The following TRIM54 variants were observed in gnomAD, a reference collection of about 807,000 sequenced individuals.
TRIM54 encodes the protein tripartite motif containing 54.
Under a neutral mutation model 42.0 loss-of-function variants are expected in TRIM54, and 40 were observed. The ratio of observed to expected loss-of-function variants is 0.95; its 90% CI spans 0.74 to 1.24. The LOEUF (loss-of-function observed/expected upper bound fraction) is 1.24, where lower values mean the gene tolerates loss of function less well. Ranked by LOEUF, TRIM54 falls within the 50% of genes most tolerant of loss-of-function variation. The pLI is 0.00. For missense variants in TRIM54, 485 were observed against 480.3 expected, an observed-to-expected ratio of 1.01 and a Z score of -0.09; for synonymous variants, 199 against 194.9, an observed-to-expected ratio of 1.02 and a Z score of -0.17.
chr2:27,298,771 G>A (rs746372772), intron 2 of TRIM54, 32 bp downstream of exon 2: 9 of 1,607,922 alleles, frequency 5.6e-6, no homozygotes, highest in Non-Finnish European at 7.7e-6. Flanking sequence ...CCTCTCTCAT[G>A]ACAGGGCTTG....
At chr2:27,294,239 C>T (rs1029017642) in intron 1 of TRIM54, among the ~76,000 whole-genome samples, 5 of 151,948 alleles carry the variant, frequency 3.3e-5, no homozygotes, top group Non-Finnish European at 5.9e-5. Flanking sequence ...AGTGATCCTC[C>T]CACCTCAGCC....
intron 1 of TRIM54, among the ~76,000 whole-genome samples, chr2:27,292,922 A>G (rs1678758742): frequency 6.6e-6 from 1 of 152,240 alleles, no homozygotes; most frequent in South Asian, 2.1e-4. Flanking sequence ...TTTTATCAGC[A>G]TCATCCATTC....
Position 27,298,648 on chromosome 2 carries a change from G to T in TRIM54, c.250G>T (p.Glu84Ter). Residue 84 changes from glutamate to a stop codon, truncating the protein, a stop_gained, in exon 2 of 9, where the codon GAG (glutamate) becomes TAG (stop). Coordinates refer to ENST00000380075, the MANE Select transcript of TRIM54 (RefSeq NM_187841.3). LOFTEE classifies it high-confidence loss of function. ...TTTCCGCTGCCCATCGTGCAGGCAT[G>T]AGGTTGTCCTGGACAGACACGGTGT... ...GRFRCPSCRH[E>*]VVLDRHGVYG... 2 of 1,614,222 alleles carry T rather than the reference G, an allele frequency of 1.2e-6. No homozygotes were observed. Among genetic ancestry groups the T allele is most frequent in the Non-Finnish European group, 1.7e-6 (2 of 1,180,038 alleles).
At chr2:27,304,223 T>TATAGATAG (rs34719198) in intron 3 of TRIM54, among the ~76,000 whole-genome samples, 2,791 of 139,236 alleles carry the variant, frequency 0.02, 67 homozygotes, top group African/African-American at 0.055. Flanking sequence ...AATATATATA[T>TATAGATAG]ATAGATAGAT....
rs1164806717 is a variant in TRIM54 at position 27,283,766 on chromosome 2, A to ACACACGCACGCGCGCGCGCG, written c.168+872_168+873insGCACGCGCGCGCGCGCACAC. Among the ~76,000 whole-genome samples the ACACACGCACGCGCGCGCGCG allele has an allele frequency of 2.9e-3, 255 of 88,678 alleles. 6 individuals are homozygous for ACACACGCACGCGCGCGCGCG. The highest frequency in any genetic ancestry group is 7.5e-3 in the South Asian group (16 of 2,128). 58.2% of individuals were successfully genotyped at this position (88,678 alleles called of 152,430 possible). A position where few individuals can be genotyped will look rare whatever the true frequency, so the allele number is the denominator to read the frequency against. Reference sequence around the variant, plus strand: ...ATCAGGGAGAGTGAGGGGCAAAGGCACACACACACACACGCGCGCACACAC... The same window carrying ACACACGCACGCGCGCGCGCG: ...ATCAGGGAGAGTGAGGGGCAAAGGCACACACGCACGCGCGCGCGCGCACACACACACACGCGCGCACACAC... On this transcript the variant is annotated intron_variant, in intron 1 of 8. Transcript: ENST00000380075.
intron 1 of TRIM54, among the ~76,000 whole-genome samples, chr2:27,295,669 G>A (rs865780814): frequency 2.0e-5 from 3 of 152,280 alleles, no homozygotes; most frequent in South Asian, 2.1e-4. Flanking sequence ...GAAGAGGAAG[G>A]GTGCAGTGAG....
Position 27,306,599 on chromosome 2 carries a change from G to A in TRIM54, c.*1+57G>A. On this transcript the variant is annotated intron_variant, in intron 8 of 8. Transcript: ENST00000380075. This position sits in a 1 kb window ranked among gnomAD's most constrained non-coding sequence, Gnocchi z 6.1. ...AGCGGCCTGAGGGGCTTGGGGTGGGGCCTGGCTGGTGTGCTCGCGTCCCCT... is the reference window on the plus strand; with the variant it reads ...AGCGGCCTGAGGGGCTTGGGGTGGGACCTGGCTGGTGTGCTCGCGTCCCCT... 6.9e-7 allele frequency: 1 copy of A among 1,452,558 alleles called. No individual in the cohort carries two copies. Among genetic ancestry groups the A allele is most frequent in the Non-Finnish European group, 9.1e-7 (1 of 1,093,966 alleles). 90.0% of individuals were successfully genotyped at this position (1,452,558 alleles called of 1,614,324 possible). A position where few individuals can be genotyped will look rare whatever the true frequency, so the allele number is the denominator to read the frequency against.
intron 3 of TRIM54, among the ~76,000 whole-genome samples, chr2:27,303,614 T>A (rs1183693265): frequency 6.6e-6 from 1 of 151,822 alleles, no homozygotes; most frequent in East Asian, 1.9e-4. Context: ...AAGCAGTAAA[T>A]TGCGCCACCT....
chr2:27,288,381 A>G (rs1678634464), intron 1 of TRIM54, among the ~76,000 whole-genome samples: 1 of 152,260 alleles, frequency 6.6e-6, no homozygotes, highest in Admixed American at 6.5e-5. Context: ...TTTACAGAGC[A>G]TCTTTCTAGA....
chr2:27,306,134 G>C lies in TRIM54; in HGVS notation c.866+32G>C. The C allele has an allele frequency of 1.2e-6, 2 of 1,614,024 alleles. No homozygotes were observed. The highest frequency in any genetic ancestry group is 2.2e-5 in the East Asian group (1 of 44,882). Reference sequence around the variant, plus strand: ...AGGCATAGCGGGAAGGGAAAGGAGGGGGCTGCACTGCTCCACTGGCTGGGG... The same window carrying C: ...AGGCATAGCGGGAAGGGAAAGGAGGCGGCTGCACTGCTCCACTGGCTGGGG... On this transcript the variant is annotated intron_variant, in intron 6 of 8. Coordinates refer to ENST00000380075, the MANE Select transcript of TRIM54 (RefSeq NM_187841.3). This position sits in a 1 kb window ranked among gnomAD's most constrained non-coding sequence, Gnocchi z 6.1.
In TRIM54 at chr2:27,305,967, C is replaced by T. The variant is rs1423762261; in HGVS notation, c.844-113C>T. 10 of 1,466,452 alleles carry T rather than the reference C, an allele frequency of 6.8e-6. No individual in the cohort carries two copies. The Admixed American group carries it at 1.4e-4, about 20-fold the overall frequency. The allele number at this position is 1,466,452 out of a possible 1,614,324, so 90.8% of individuals were successfully genotyped here. A position where few individuals can be genotyped will look rare whatever the true frequency, so the allele number is the denominator to read the frequency against. ...CCCTCTGAGTTCGTTTTCTGCTTAA[C>T]GAATTGGGACGTGCCTTCCCACCTA... On this transcript the variant is annotated intron_variant, in intron 5 of 8. Coordinates refer to ENST00000380075, the MANE Select transcript of TRIM54 (RefSeq NM_187841.3).
chr2:27,292,117 G>C (rs1026375127), intron 1 of TRIM54, among the ~76,000 whole-genome samples: 7 of 152,210 alleles, frequency 4.6e-5, no homozygotes, highest in Admixed American at 3.3e-4. Context: ...TAACCAATGC[G>C]ATGAGCTGCT....
Position 27,306,453 on chromosome 2 carries a change from C to G in TRIM54, c.992-3C>G. ...CACCTCACCAGGCCTTCCTTGGGCT[C>G]AGGCGCTTCCGGGGAGGAAGAGGAG... On this transcript the variant is annotated splice_polypyrimidine_tract_variant and splice_region_variant and intron_variant, in intron 7 of 8. Transcript: ENST00000380075. The surrounding 1 kb of genome is among the most constrained non-coding windows in gnomAD (Gnocchi z 6.1). 1 of 1,600,212 alleles carries G rather than the reference C, an allele frequency of 6.2e-7. No homozygotes were observed. Among genetic ancestry groups the G allele is most frequent in the Non-Finnish European group, 8.5e-7 (1 of 1,173,340 alleles).
At chr2:27,287,364 G>C (rs537805301) in intron 1 of TRIM54, among the ~76,000 whole-genome samples, 1 of 152,068 alleles carries the variant, frequency 6.6e-6, no homozygotes, top group South Asian at 2.1e-4. Context: ...CACTATGCCT[G>C]GCTAATTTTT....
intron 1 of TRIM54, among the ~76,000 whole-genome samples, chr2:27,289,342 AG>A (rs1678658604): frequency 1.3e-5 from 2 of 152,120 alleles, no homozygotes; most frequent in African/African-American, 2.4e-5. Flanking sequence ...AATTCTTGGA[AG>A]GGGGCTCTTG....
chr2:27,298,550 G>A lies in TRIM54; in HGVS notation c.169-17G>A. ...TGCCTCCCCGTGCCTGTTCTCTCAA[G>A]CCATCTGTCCCTGCAGGCCTCGAAT... On this transcript the variant is annotated splice_polypyrimidine_tract_variant and intron_variant, in intron 1 of 8. Transcript: ENST00000380075. The A allele has an allele frequency of 6.2e-7, 1 of 1,603,930 alleles. No individual in the cohort carries two copies. Among genetic ancestry groups the A allele is most frequent in the Non-Finnish European group, 8.5e-7 (1 of 1,172,454 alleles).
At position 27,306,662 on chromosome 2, in the gene TRIM54, C is replaced by T. The variant is rs1402188487; in HGVS notation, c.*1+120C>T. The T allele has an allele frequency of 9.2e-7, 1 of 1,091,952 alleles. No homozygotes were observed. The highest frequency in any genetic ancestry group is 1.3e-6 in the Non-Finnish European group (1 of 775,492). The allele number at this position is 1,091,952 out of a possible 1,614,324, so 67.6% of individuals were successfully genotyped here. A position where few individuals can be genotyped will look rare whatever the true frequency, so the allele number is the denominator to read the frequency against. Reference sequence around the variant, plus strand: ...GCCCTCCCTGCGGGTAGCGTGGAGCCCCCACTCCTCGGTGCAACCCAACCC... The same window carrying T: ...GCCCTCCCTGCGGGTAGCGTGGAGCTCCCACTCCTCGGTGCAACCCAACCC... On this transcript the variant is annotated intron_variant, in intron 8 of 8. Coordinates refer to ENST00000380075, the MANE Select transcript of TRIM54 (RefSeq NM_187841.3). The surrounding 1 kb of genome is among the most constrained non-coding windows in gnomAD (Gnocchi z 6.1).
intron 1 of TRIM54, among the ~76,000 whole-genome samples, chr2:27,296,672 A>G (rs1006355583): frequency 1.3e-5 from 2 of 152,112 alleles, no homozygotes; most frequent in African/African-American, 4.8e-5. Flanking sequence ...GCAATTTCCT[A>G]CAAATTACAC....
At chr2:27,299,702 A>G (rs1678977655) in intron 3 of TRIM54, 2 of 610,242 alleles carry the variant, frequency 3.3e-6, no homozygotes, top group Non-Finnish European at 5.7e-6. Flanking sequence ...CTATCTATCT[A>G]TCTATCTATC....
Sources: gnomAD v4.1 joint callset for allele counts (sites outside exome capture counted in the v4.1 genomes callset) on GRCh38, gnomAD v4.1.1 for gene constraint, Gnocchi (gnomAD v3.1) non-coding constraint, MANE v1.5 for transcripts, NCBI Gene and HGNC (gene_info 2026-07-23, HGNC 2026-07-21) for gene names.